PTPRD: variants seen among roughly 807,000 people sequenced by gnomAD.
PTPRD encodes the protein protein tyrosine phosphatase receptor type D, also known as receptor-type tyrosine-protein phosphatase delta.
In PTPRD, 34 loss-of-function variants were observed where a neutral mutation model predicts 214.5. That is an observed-to-expected ratio of 0.16 (90% CI 0.12 to 0.21). The LOEUF (loss-of-function observed/expected upper bound fraction) is 0.21. Ranked by LOEUF, PTPRD falls within the 10% of genes least tolerant of loss-of-function variation. PTPRD has a pLI of 1.00. For synonymous variants in PTPRD, 1,128 were observed against 845.7 expected, an observed-to-expected ratio of 1.33 and a Z score of -5.79; for missense variants, 2,545 against 2,398.7, an observed-to-expected ratio of 1.06 and a Z score of -1.27.
intron 5 of PTPRD, among the ~76,000 whole-genome samples, chr9:9,935,911 A>C (rs1051680448): frequency 6.6e-6 from 1 of 150,796 alleles, no homozygotes; most frequent in East Asian, 1.9e-4. Context: ...CAGAGCCCTC[A>C]GAAATAATGC....
intron 8 of PTPRD, among the ~76,000 whole-genome samples, chr9:9,432,880 G>C (rs1483978938): frequency 6.6e-6 from 1 of 152,204 alleles, no homozygotes; most frequent in Admixed American, 6.5e-5. Flanking sequence ...TGGAGTTTTA[G>C]AGGGATCAGG....
At chr9:9,429,434 A>G (rs1168529903) in intron 8 of PTPRD, among the ~76,000 whole-genome samples, 5 of 152,312 alleles carry the variant, frequency 3.3e-5, no homozygotes, top group East Asian at 3.9e-4. Flanking sequence ...AAAAAAGTCC[A>G]TGACCAGATG....
At chr9:9,092,227 T>C (rs907968395) in intron 10 of PTPRD, among the ~76,000 whole-genome samples, 1 of 152,154 alleles carries the variant, frequency 6.6e-6, no homozygotes, top group African/African-American at 2.4e-5. Flanking sequence ...AGGGCAAAGT[T>C]CTCTACAGAT....
At chr9:8,658,205 G>T (rs1213755723) in intron 12 of PTPRD, among the ~76,000 whole-genome samples, 1 of 152,136 alleles carries the variant, frequency 6.6e-6, no homozygotes, top group East Asian at 1.9e-4. Flanking sequence ...CAGATTTTAT[G>T]GGAATTAAAG....
At chr9:9,864,420 G>T (rs2063492684) in intron 5 of PTPRD, among the ~76,000 whole-genome samples, 1 of 152,150 alleles carries the variant, frequency 6.6e-6, no homozygotes, top group South Asian at 2.1e-4. Context: ...AATACATGGG[G>T]TGTGTGACAT....
At chr9:9,652,026 A>G (rs1248558022) in intron 7 of PTPRD, among the ~76,000 whole-genome samples, 2 of 151,354 alleles carry the variant, frequency 1.3e-5, no homozygotes, top group African/African-American at 4.9e-5. Flanking sequence ...TATTTTTAGT[A>G]GAGACAGGGT....
chr9:10,517,761 G>C (rs554281567), intron 2 of PTPRD, among the ~76,000 whole-genome samples: 2 of 152,042 alleles, frequency 1.3e-5, no homozygotes, highest in East Asian at 3.9e-4. Context: ...CTTCCAAGTT[G>C]GAAATGTTAA....
chr9:10,131,607 A>G (rs1178010183), intron 3 of PTPRD, among the ~76,000 whole-genome samples: 1 of 152,140 alleles, frequency 6.6e-6, no homozygotes, highest in African/African-American at 2.4e-5. Context: ...AATACCTCCC[A>G]TTATTTTATA....
intron 5 of PTPRD, among the ~76,000 whole-genome samples, chr9:9,767,199 T>G (rs1010631101): frequency 9.2e-5 from 14 of 152,030 alleles, no homozygotes; most frequent in African/African-American, 2.7e-4. Context: ...TTTTCAAAAA[T>G]GCTACATGAA....
chr9:8,699,599 A>C (rs111601309), intron 12 of PTPRD, among the ~76,000 whole-genome samples: 1,982 of 152,290 alleles, frequency 0.013, 34 homozygotes, highest in African/African-American at 0.045. Flanking sequence ...CTGATTTGTG[A>C]TTCTACTTGG....
chr9:9,909,511 T>A (rs571210119), intron 5 of PTPRD, among the ~76,000 whole-genome samples: 1 of 151,946 alleles, frequency 6.6e-6, no homozygotes, highest in East Asian at 1.9e-4. Flanking sequence ...AACCCCTCCA[T>A]TCTAAATGCA....
intron 11 of PTPRD, among the ~76,000 whole-genome samples, chr9:8,799,934 C>G (rs1382952385): frequency 6.6e-6 from 1 of 151,862 alleles, no homozygotes; most frequent in Non-Finnish European, 1.5e-5. Flanking sequence ...TTTTTGTTTT[C>G]AGGCAAATAC....
intron 2 of PTPRD, among the ~76,000 whole-genome samples, chr9:10,606,481 C>T (rs966466336): frequency 1.3e-5 from 2 of 151,440 alleles, no homozygotes; most frequent in East Asian, 1.9e-4. Flanking sequence ...AAGTGGCCTA[C>T]ACTGGTTCCA....
chr9:8,794,303 C>A (rs2096338251), intron 11 of PTPRD, among the ~76,000 whole-genome samples: 1 of 152,146 alleles, frequency 6.6e-6, no homozygotes, highest in Non-Finnish European at 1.5e-5. Flanking sequence ...GGGGATGCAA[C>A]TGAAGAACCA....
intron 3 of PTPRD, among the ~76,000 whole-genome samples, chr9:10,125,375 C>CT (rs2098808089): frequency 6.8e-6 from 1 of 146,770 alleles, no homozygotes; most frequent in African/African-American, 2.5e-5. Flanking sequence ...TTTTTCTTTT[C>CT]GTTTTTATCT....
chr9:10,607,832 G>A (rs188184930), intron 2 of PTPRD, among the ~76,000 whole-genome samples: 1 of 151,980 alleles, frequency 6.6e-6, no homozygotes, highest in East Asian at 1.9e-4. Flanking sequence ...ATGATTGGAA[G>A]TTTTGTTATT....
At chr9:9,910,855 T>G (rs79347265) in intron 5 of PTPRD, among the ~76,000 whole-genome samples, 2,349 of 152,174 alleles carry the variant, frequency 0.015, 33 homozygotes, top group Admixed American at 0.024. Flanking sequence ...GTTCTGAGTT[T>G]AATCACTCTA....
intron 3 of PTPRD, among the ~76,000 whole-genome samples, chr9:10,057,627 G>T (rs113482886): frequency 6.6e-6 from 1 of 152,004 alleles, no homozygotes; most frequent in Admixed American, 6.6e-5. Flanking sequence ...GGTGGATCAC[G>T]AGGTCAGGAG....
At chr9:10,150,541 T>G (rs2099053797) in intron 3 of PTPRD, among the ~76,000 whole-genome samples, 2 of 151,836 alleles carry the variant, frequency 1.3e-5, no homozygotes. Flanking sequence ...GGGATAGCAT[T>G]AGGAGATATA....
Sources: allele counts gnomAD v4.1 joint callset (sites outside exome capture counted in the v4.1 genomes callset), GRCh38; gene constraint gnomAD v4.1.1; transcripts MANE v1.5; gene names NCBI Gene and HGNC (gene_info 2026-07-23, HGNC 2026-07-21).